Variants in GNAI2 observed in about 807,000 individuals in gnomAD.
The protein encoded by GNAI2 is G protein subunit alpha i2.
GNAI2 carries 4 observed loss-of-function variants against 36.8 expected under a neutral mutation model. The ratio of observed to expected loss-of-function variants is 0.11; its 90% confidence interval spans 0.05 to 0.25. GNAI2 has a LOEUF of 0.25. GNAI2 is among the 10% of genes least tolerant of loss of function. The pLI, the probability that GNAI2 is intolerant of heterozygous loss-of-function variation, is 1.00. For synonymous variants in GNAI2, 194 were observed against 194.1 expected, an observed-to-expected ratio of 1.00 and a Z score of 0.01; for missense variants, 230 against 481.3, an observed-to-expected ratio of 0.48 and a Z score of 4.89.
chr3:50,259,257 C>A lies in GNAI2; in HGVS notation c.*914C>A. 1.1e-5 allele frequency: 2 copies of A among 183,334 alleles called. No individual in the cohort carries two copies. The highest frequency in any genetic ancestry group is 2.3e-5 in the Non-Finnish European group (2 of 85,280). The allele number at this position is 183,334 out of a possible 1,614,324, so 11.4% of individuals were successfully genotyped here. The stretch of plus-strand genomic sequence containing the variant: ...CGCCCCTCATGCCCTTGTCCCAGGC[C>A]CGGGGCCTTCAGCGTTGAACACTTC... On this transcript the variant is annotated 3_prime_UTR_variant, in exon 9 of 9. Transcript: ENST00000313601.
At chr3:50,248,315 G>T (rs944778628) in intron 1 of GNAI2, among the ~76,000 whole-genome samples, 5 of 152,146 alleles carry the variant, frequency 3.3e-5, no homozygotes, top group Admixed American at 6.5e-5. Flanking sequence ...CTGGGTGTGT[G>T]CAAAACTCAC....
At chr3:50,231,693 C>T (rs766153997), upstream of GNAI2, among the ~76,000 whole-genome samples, 4 of 152,032 alleles carry the variant, frequency 2.6e-5, no homozygotes, top group Non-Finnish European at 5.9e-5. Context: ...AGGGGAAGCC[C>T]GAGGACAATG....
rs987421067 is a variant in GNAI2, at chr3:50,258,870, G to A, written c.*527G>A. 1.8e-5 allele frequency: 8 copies of A among 439,652 alleles called. No homozygotes were observed. Among genetic ancestry groups the A allele is most frequent in the African/African-American group, 1.0e-4 (5 of 48,336 alleles). 27.2% of individuals were successfully genotyped at this position (439,652 alleles called of 1,614,324 possible). On this transcript the variant is annotated 3_prime_UTR_variant, in exon 9 of 9. Transcript: ENST00000313601. ...AACCACAGTCCACCTGCTCATTCTC[G>A]TAGCTTTTTAAAAAAATGAAAGTAA...
chr3:50,239,810 GCA>G (rs1700260671), intron 1 of GNAI2: 2 of 152,290 alleles, frequency 1.3e-5, no homozygotes, highest in Non-Finnish European at 2.9e-5. Context: ...GGCTGTTGGT[GCA>G]CTGCTAGAGG....
At chr3:50,231,560 C>A (rs1288148900), upstream of GNAI2, among the ~76,000 whole-genome samples, 1 of 152,218 alleles carries the variant, frequency 6.6e-6, no homozygotes, top group Non-Finnish European at 1.5e-5. Flanking sequence ...CAGGCTCGAG[C>A]CACCGCACCC....
At position 50,248,201 on chromosome 3, in the gene GNAI2, C is replaced by T. The variant is rs114032302; in HGVS notation, c.119-3899C>T. Among the ~76,000 whole-genome samples the T allele has an allele frequency of 5.2e-3, 797 of 152,228 alleles. 1 individual carries two copies. The highest frequency in any genetic ancestry group is 8.5e-3 in the Non-Finnish European group (581 of 68,016). On this transcript the variant is annotated intron_variant, in intron 1 of 8. Transcript: ENST00000313601. ...CCGGGAGGCAAAGGTTGCAGTGAGC[C>T]AAGATCATGCTATTGCACTCCAGCC... is the stretch of plus-strand genomic sequence containing the variant.
At position 50,259,097 on chromosome 3, in the gene GNAI2, T is replaced by C. The variant is rs1553703743; in HGVS notation, c.*754T>C. On this transcript the variant is annotated 3_prime_UTR_variant, in exon 9 of 9. Transcript: ENST00000313601. The stretch of plus-strand genomic sequence containing the variant: ...CTGCCCTGCCCTCCACAGAATTGGG[T>C]TCCAAGGGCTGTTCCAGACAACTGC... The C allele has an allele frequency of 2.7e-6, 1 of 367,952 alleles. No individual in the cohort carries two copies. The highest frequency in any genetic ancestry group is 3.8e-5 in the Admixed American group (1 of 26,270). The allele number at this position is 367,952 out of a possible 1,614,324, so 22.8% of individuals were successfully genotyped here.
intron 1 of GNAI2, among the ~76,000 whole-genome samples, chr3:50,249,558 G>A (rs1280064132): frequency 6.6e-6 from 1 of 152,174 alleles, no homozygotes; most frequent in Non-Finnish European, 1.5e-5. Context: ...GTGCCCAGGG[G>A]CTAAAGCAAT....
chr3:50,257,398 G>C, intron 7 of GNAI2, 102 bp from the exon 8 acceptor site: 1 of 747,222 alleles, frequency 1.3e-6, no homozygotes, highest in Non-Finnish European at 2.2e-6. Flanking sequence ...GCATGCACAG[G>C]TTGTATGCCT....
upstream of GNAI2, among the ~76,000 whole-genome samples, chr3:50,228,417 G>T (rs1340365133): frequency 6.6e-6 from 1 of 152,030 alleles, no homozygotes; most frequent in Non-Finnish European, 1.5e-5. Flanking sequence ...AGCTGGGCGT[G>T]GGGGCGCGCC....
intron 7 of GNAI2, 121 bp downstream of exon 7, chr3:50,257,211 A>AG: frequency 2.4e-6 from 2 of 826,782 alleles, no homozygotes; most frequent in Non-Finnish European, 3.9e-6. Flanking sequence ...GAACACTGGC[A>AG]GGGGCTGGTG....
chr3:50,234,356 CT>C (rs1402222902), upstream of GNAI2, among the ~76,000 whole-genome samples: 3,881 of 134,096 alleles, frequency 0.029, 136 homozygotes, highest in African/African-American at 0.091. Flanking sequence ...CGTGCCCGGT[CT>C]TTTTTTTTTT....
rs1174208911 is a variant in GNAI2, at chr3:50,238,618, G to A, written c.118+2165G>A. On this transcript the variant is annotated intron_variant, in intron 1 of 8. Transcript: ENST00000313601. The surrounding 1 kb of genome is among the most constrained non-coding windows in gnomAD (Gnocchi z 5.0). ...TGGGGAGGGAGAACAAGAGCCTCCT[G>A]GTGGTTCTTGTTGGGGATGTAGGTT... 6.6e-6 allele frequency among the ~76,000 whole-genome samples: 1 copy of A among 152,216 alleles called. No homozygotes were observed. Among genetic ancestry groups the A allele is most frequent in the Non-Finnish European group, 1.5e-5 (1 of 68,020 alleles).
chr3:50,228,561 A>AG (rs1271559319), upstream of GNAI2, among the ~76,000 whole-genome samples: 1 of 152,048 alleles, frequency 6.6e-6, no homozygotes, highest in Non-Finnish European at 1.5e-5. Context: ...AAAAAAAAAA[A>AG]AAAAAAAAAT....
At chr3:50,240,573 T>G (rs1553700900) in intron 1 of GNAI2, among the ~76,000 whole-genome samples, 1 of 152,088 alleles carries the variant, frequency 6.6e-6, no homozygotes, top group Non-Finnish European at 1.5e-5. Context: ...AGTGCCTCCC[T>G]GCAGCCACAG....
chr3:50,255,923 G>A lies in GNAI2; in HGVS notation c.465-269G>A, dbSNP rs1700685329. Among the ~76,000 whole-genome samples the A allele has an allele frequency of 6.6e-6, 1 of 151,806 alleles. No individual in the cohort carries two copies. The highest frequency in any genetic ancestry group is 2.1e-4 in the South Asian group (1 of 4,806). On this transcript the variant is annotated intron_variant, in intron 4 of 8. Transcript: ENST00000313601. This position sits in a 1 kb window ranked among gnomAD's most constrained non-coding sequence, Gnocchi z 4.0. ...AAAATTAGCTGGGCGGCAGGCGCCT[G>A]TAGTCCCAGCTACTCAGGAGGCTGA...
Position 50,253,381 on chromosome 3 carries a change from A to G in GNAI2, c.464+197A>G, listed in dbSNP as rs1553702801. Among the ~76,000 whole-genome samples the G allele has an allele frequency of 1.3e-5, 2 of 152,192 alleles. No individual in the cohort carries two copies. The highest frequency in any genetic ancestry group is 2.9e-5 in the Non-Finnish European group (2 of 68,026). ...CGTTACTGAAAGGCCAGGAGGAATG[A>G]CAGGCAGGTGGCTTATACAGTACAT... On this transcript the variant is annotated intron_variant, in intron 4 of 8. Transcript: ENST00000313601. The surrounding 1 kb of genome is among the most constrained non-coding windows in gnomAD (Gnocchi z 4.2).
chr3:50,239,094 C>T (rs1041702508), intron 1 of GNAI2, among the ~76,000 whole-genome samples: 1 of 152,206 alleles, frequency 6.6e-6, no homozygotes, highest in Non-Finnish European at 1.5e-5. Flanking sequence ...CCCAGCTCAA[C>T]GTGACTGATC....
chr3:50,246,971 G>A (rs587711820), intron 1 of GNAI2: 5 of 1,488,746 alleles, frequency 3.4e-6, no homozygotes, highest in East Asian at 2.5e-5. Context: ...CCTGTTAGCC[G>A]CTGTCCATTG....
Sources: gnomAD v4.1 joint callset for allele counts (sites outside exome capture counted in the v4.1 genomes callset) on GRCh38, gnomAD v4.1.1 for gene constraint, Gnocchi (gnomAD v3.1) non-coding constraint, MANE v1.5 for transcripts, NCBI Gene and HGNC (gene_info 2026-07-23, HGNC 2026-07-21) for gene names.